Variants in TDRD1 observed in about 807,000 individuals in gnomAD.
The protein encoded by TDRD1 is tudor domain-containing protein 1.
In TDRD1, 37 loss-of-function variants were observed where a neutral mutation model predicts 140.6. That is an observed-to-expected ratio of 0.26 (90% CI 0.20 to 0.35). TDRD1 has a LOEUF of 0.35. Among genes scored for constraint, TDRD1 ranks in the 10% least tolerant of loss-of-function variants. The pLI is 1.00. For missense variants in TDRD1, 1,243 were observed against 1,393.0 expected (o/e 0.89, Z 1.71); for synonymous variants, 506 against 475.7 (o/e 1.06, Z -0.83).
rs770789236 is a variant in TDRD1, at chr10:114,202,128, G to A, written c.636-110G>A. On this transcript the variant is annotated intron_variant, in intron 5 of 25. Coordinates refer to ENST00000251864, the Ensembl canonical transcript of TDRD1. Reference sequence around the variant, plus strand: ...TACCACTGTGATTCTGGAAGAAGCTGTTTTGCTCTTTCAGGATTTTGTTCA... The same window carrying A: ...TACCACTGTGATTCTGGAAGAAGCTATTTTGCTCTTTCAGGATTTTGTTCA... The A allele has an allele frequency of 7.2e-5, 57 of 788,198 alleles. No homozygotes were observed. The South Asian group carries it at 7.3e-4, about 10-fold the overall frequency. The allele number at this position is 788,198 out of a possible 1,614,324, so 48.8% of individuals were successfully genotyped here. A position where few individuals can be genotyped will look rare whatever the true frequency, so the allele number is the denominator to read the frequency against.
At chr10:114,202,681 A>T (rs1480982824) in intron 6 of TDRD1, among the ~76,000 whole-genome samples, 1 of 152,202 alleles carries the variant, frequency 6.6e-6, no homozygotes, top group Non-Finnish European at 1.5e-5. Flanking sequence ...CGTCGTGTCC[A>T]ACTCGTATTT....
chr10:114,197,003 C>T (rs1334959771), intron 3 of TDRD1, among the ~76,000 whole-genome samples: 2 of 151,804 alleles, frequency 1.3e-5, no homozygotes, highest in Non-Finnish European at 2.9e-5. Context: ...CCCTCCACCA[C>T]ACCCAGCTAA....
chr10:114,193,611 G>C (rs1373643086), intron 3 of TDRD1, among the ~76,000 whole-genome samples: 1 of 152,094 alleles, frequency 6.6e-6, no homozygotes, highest in Non-Finnish European at 1.5e-5. Flanking sequence ...GTCCTTTTAA[G>C]ATCCCTTGCA....
At chr10:114,226,661 T>C (rs1487815370) in intron 22 of TDRD1, among the ~76,000 whole-genome samples, 3 of 152,238 alleles carry the variant, frequency 2.0e-5, no homozygotes, top group South Asian at 2.1e-4. Flanking sequence ...AACTCCTTAG[T>C]TGGAATTTGA....
chr10:114,217,460 A>G (rs2035882374), intron 16 of TDRD1, 85 bp from the exon 17 acceptor site: 2 of 685,438 alleles, frequency 2.9e-6, no homozygotes, highest in African/African-American at 1.9e-5. Context: ...GATCATAAAA[A>G]TCACGTTTTC....
chr10:114,191,237 C>A (rs566084980), intron 3 of TDRD1, among the ~76,000 whole-genome samples: 2 of 152,294 alleles, frequency 1.3e-5, no homozygotes, highest in South Asian at 4.1e-4. Flanking sequence ...TCACCTATTT[C>A]GCCCATGTTA....
chr10:114,193,116 G>A (rs1453180814), intron 3 of TDRD1, among the ~76,000 whole-genome samples: 1 of 151,722 alleles, frequency 6.6e-6, no homozygotes, highest in Admixed American at 6.6e-5. Context: ...TCTTTATTTT[G>A]TAGTTTTTAG....
intron 25 of TDRD1, among the ~76,000 whole-genome samples, chr10:114,230,275 G>T (rs2036684213): frequency 6.6e-6 from 1 of 152,214 alleles, no homozygotes; most frequent in South Asian, 2.1e-4. Flanking sequence ...ATTTAAGACA[G>T]GGCTTAGTAG....
At chr10:114,210,542 A>T (rs752068591) in intron 11 of TDRD1, 39 bp from the exon 12 acceptor site, 1 of 1,525,074 alleles carries the variant, frequency 6.6e-7, no homozygotes, top group Non-Finnish European at 8.8e-7. Flanking sequence ...ACTTTGGATG[A>T]AAACAAAATG....
intron 1 of TDRD1, among the ~76,000 whole-genome samples, chr10:114,182,644 A>T (rs1406839938): frequency 6.6e-6 from 1 of 152,140 alleles, no homozygotes; most frequent in Non-Finnish European, 1.5e-5. Flanking sequence ...GTTGGCATGA[A>T]AGCAGTGCAA....
intron 16 of TDRD1, among the ~76,000 whole-genome samples, chr10:114,214,737 C>CTT (rs771454910): frequency 1.4e-5 from 2 of 143,512 alleles, no homozygotes; most frequent in African/African-American, 2.5e-5. Context: ...TTCTTTCTTT[C>CTT]TTTTTTTTTT....
intron 7 of TDRD1, 52 bp downstream of exon 7, chr10:114,203,228 A>G: frequency 6.6e-7 from 1 of 1,514,986 alleles, no homozygotes; most frequent in Non-Finnish European, 9.0e-7. Context: ...AACTGTATTT[A>G]TTCTCGTTTC....
intron 21 of TDRD1, among the ~76,000 whole-genome samples, chr10:114,223,613 C>T (rs893146392): frequency 2.6e-5 from 4 of 152,210 alleles, no homozygotes; most frequent in Non-Finnish European, 5.9e-5. Context: ...TGGATCTATA[C>T]TTGCCCTTTC....
At chr10:114,203,345 G>T in intron 7 of TDRD1, 43 bp from the exon 8 acceptor site, 1 of 1,549,706 alleles carries the variant, frequency 6.5e-7, no homozygotes, top group Non-Finnish European at 8.7e-7. Context: ...ACATTTCCTT[G>T]TGTGCCTTAT....
chr10:114,208,184 T>C (rs1380437592), intron 11 of TDRD1, among the ~76,000 whole-genome samples: 3 of 152,110 alleles, frequency 2.0e-5, no homozygotes, highest in Non-Finnish European at 4.4e-5. Flanking sequence ...GGGGAAGTAT[T>C]GGTCAGGAGG....
upstream of TDRD1, among the ~76,000 whole-genome samples, chr10:114,177,908 G>A (rs1018817742): frequency 6.6e-6 from 1 of 150,444 alleles, no homozygotes; most frequent in Non-Finnish European, 1.5e-5. Flanking sequence ...TCTTGGCTCG[G>A]TGAAACCTCC....
chr10:114,201,391 T>G lies in TDRD1; in HGVS notation c.530-19T>G. 1 of 1,596,964 alleles carries G rather than the reference T, an allele frequency of 6.3e-7. No individual in the cohort carries two copies. Among genetic ancestry groups the G allele is most frequent in the Non-Finnish European group, 8.6e-7 (1 of 1,164,564 alleles). ...GTCTTGATCTTCATCTGAACTATTTTGTGGGTGGTGTTTTCTAGGATCGCT... is the reference window on the plus strand; with the variant it reads ...GTCTTGATCTTCATCTGAACTATTTGGTGGGTGGTGTTTTCTAGGATCGCT... On this transcript the variant is annotated intron_variant, in intron 4 of 25. Transcript: ENST00000251864.
At chr10:114,231,267 CTA>C (rs1332408538) in intron 25 of TDRD1, among the ~76,000 whole-genome samples, 2 of 152,100 alleles carry the variant, frequency 1.3e-5, no homozygotes, top group African/African-American at 4.8e-5. Context: ...GTGCAAACAA[CTA>C]TATGTTATAT....
At chr10:114,203,289 G>T in intron 7 of TDRD1, 99 bp from the exon 8 acceptor site, 3 of 1,496,404 alleles carry the variant, frequency 2.0e-6, no homozygotes, top group Admixed American at 2.1e-5. Context: ...TGCAAAAACT[G>T]CCTACAATGC....
Sources: allele counts gnomAD v4.1 joint callset (sites outside exome capture counted in the v4.1 genomes callset), GRCh38; gene constraint gnomAD v4.1.1; transcripts MANE v1.5; gene names NCBI Gene and HGNC (gene_info 2026-07-23, HGNC 2026-07-21).